FER1L5: variants seen among roughly 807,000 people sequenced by gnomAD.
FER1L5 encodes the protein fer-1-like protein 5.
In FER1L5, 187 loss-of-function variants were observed where a neutral mutation model predicts 279.9. The observed-to-expected ratio is 0.67, with a 90% CI of 0.59 to 0.75. The LOEUF (loss-of-function observed/expected upper bound fraction) is 0.75, where lower values mean the gene tolerates loss of function less well. Ranked by LOEUF, FER1L5 falls within the 30% of genes least tolerant of loss-of-function variation. The pLI, the probability that FER1L5 is intolerant of heterozygous loss-of-function variation, is 0.00. For synonymous variants in FER1L5, 921 were observed against 989.7 expected, an observed-to-expected ratio of 0.93 and a Z score of 1.30; for missense variants, 2,091 against 2,594.4, an observed-to-expected ratio of 0.81 and a Z score of 4.21.
intron 19 of FER1L5, among the ~76,000 whole-genome samples, chr2:96,679,702 A>C (rs184481932): frequency 6.6e-6 from 1 of 152,188 alleles, no homozygotes; most frequent in Non-Finnish European, 1.5e-5. Context: ...AATTTTCTAC[A>C]TCAGAGGCTC....
intron 1 of FER1L5, 133 bp from the exon 2 acceptor site, chr2:96,646,268 G>T: frequency 1.2e-6 from 1 of 849,538 alleles, no homozygotes; most frequent in South Asian, 1.6e-5. Context: ...AAAGTGCTGA[G>T]ATTACAGGCG....
chr2:96,659,466 TTTCTTTCTTTCTTTC>T (rs2075842552), intron 9 of FER1L5, among the ~76,000 whole-genome samples: 1 of 26,758 alleles, frequency 3.7e-5, no homozygotes, highest in Non-Finnish European at 5.7e-5. Context: ...TCTTTCTTTC[TTTCTTTCTTTCTTTC>T]TTTCTTTCTT....
chr2:96,702,147 C>T lies in FER1L5; in HGVS notation c.5159+104C>T. On this transcript the variant is annotated intron_variant, in intron 46 of 52. Coordinates refer to ENST00000624922, the MANE Select transcript of FER1L5 (RefSeq NM_001293083.2). This position sits in a 1 kb window ranked among gnomAD's most constrained non-coding sequence, Gnocchi z 4.0. ...TACTGAGCTGCAGTAATTCGTTTCT[C>T]TATTGGGAAGAGAGGAAGCTCTACT... 6.4e-7 allele frequency: 1 copy of T among 1,572,390 alleles called. No homozygotes were observed.
chr2:96,689,144 AGGG>A lies in FER1L5; in HGVS notation c.2362-67_2362-65del. On this transcript the variant is annotated intron_variant, in intron 24 of 52. Transcript: ENST00000624922. The surrounding 1 kb of genome is among the most constrained non-coding windows in gnomAD (Gnocchi z 4.6). The stretch of plus-strand genomic sequence containing the variant: ...CCTGCAGCCCAGAGTCAGGGGGCCC[AGGG>A]GAGGCCCATGTCCCCGCACTTTGTG... 6.7e-7 allele frequency: 1 copy of A among 1,486,514 alleles called. No homozygotes were observed. The highest frequency in any genetic ancestry group is 1.3e-5 in the South Asian group (1 of 74,666). The allele number at this position is 1,486,514 out of a possible 1,614,324, so 92.1% of individuals were successfully genotyped here.
chr2:96,670,228 A>G lies in FER1L5; in HGVS notation c.1472A>G (p.His491Arg), dbSNP rs1477294037. 11 of 1,551,478 alleles carry G rather than the reference A, an allele frequency of 7.1e-6. No individual in the cohort carries two copies. The highest frequency in any genetic ancestry group is 2.4e-5 in the East Asian group (1 of 40,914). Residue 491 changes from histidine (H) to arginine (R), a missense_variant, in exon 18 of 53, where the codon CAT (histidine) becomes CGT (arginine). Transcript: ENST00000624922. ...GACTCCACGATAAAGGATCTCTCCC[A>G]TGAAGTGACCAGGATAGAGGTAACT... ...YQDSTIKDLS[H>R]EVTRIEKHQN...
intron 6 of FER1L5, among the ~76,000 whole-genome samples, chr2:96,651,087 A>C (rs1318973278): frequency 6.6e-6 from 1 of 152,194 alleles, no homozygotes; most frequent in Non-Finnish European, 1.5e-5. Flanking sequence ...TGTCTTCCAC[A>C]CAAGATCACA....
rs1215030751 is a variant in FER1L5, at chr2:96,704,801, T to G, written c.*109T>G. 2.4e-6 allele frequency: 2 copies of G among 823,140 alleles called. No individual in the cohort carries two copies. Among genetic ancestry groups the G allele is most frequent in the Admixed American group, 2.6e-5 (1 of 39,090 alleles). The allele number at this position is 823,140 out of a possible 1,614,324, so 51.0% of individuals were successfully genotyped here. ...GAATATATGCAAGATGCTAGGAATA[T>G]TCTGGCTATTGTGTTCAGAAATCAC... On this transcript the variant is annotated 3_prime_UTR_variant, in exon 53 of 53. Transcript: ENST00000624922.
chr2:96,697,723 T>A lies in FER1L5; in HGVS notation c.4198T>A (p.Ser1400Thr), dbSNP rs1327229017. 1 of 1,613,946 alleles carries A rather than the reference T, an allele frequency of 6.2e-7. No homozygotes were observed. The highest frequency in any genetic ancestry group is 1.1e-5 in the South Asian group (1 of 91,082). Reference sequence around the variant, plus strand: ...GTTCTGGGCCACAGATGAGCACAAGTCCCTGAAGTACAAGTACAAAGACTA... The same window carrying A: ...GTTCTGGGCCACAGATGAGCACAAGACCCTGAAGTACAAGTACAAAGACTA... ...KLFWATDEHKSLKYKYKDYHT... is the reference protein window; with the variant it reads ...KLFWATDEHKTLKYKYKDYHT... Residue 1400 changes from serine (S) to threonine (T), a missense_variant, in exon 39 of 53, where the codon TCC becomes ACC. Physicochemically the swap from Ser to Thr is moderately conservative, Grantham distance 58 (BLOSUM62 1). Coordinates refer to ENST00000624922, the MANE Select transcript of FER1L5 (RefSeq NM_001293083.2).
rs981723059 is a variant in FER1L5 at position 96,694,968 on chromosome 2, G to T, written c.3741+504G>T. The stretch of plus-strand genomic sequence containing the variant: ...GACGGTCAGGCCTCTGGGACTGAAG[G>T]CTTCCCCAAGATCAGGCAACTTGGC... On this transcript the variant is annotated intron_variant, in intron 34 of 52. Transcript: ENST00000624922. This position sits in a 1 kb window ranked among gnomAD's most constrained non-coding sequence, Gnocchi z 4.6. 1.9e-5 allele frequency: 3 copies of T among 155,032 alleles called. No individual in the cohort carries two copies. Among genetic ancestry groups the T allele is most frequent in the African/African-American group, 7.2e-5 (3 of 41,564 alleles). The allele number at this position is 155,032 out of a possible 1,614,324, so 9.6% of individuals were successfully genotyped here. A position where few individuals can be genotyped will look rare whatever the true frequency, so the allele number is the denominator to read the frequency against.
Position 96,698,015 on chromosome 2 carries a change from A to G in FER1L5, c.4237-22A>G. On this transcript the variant is annotated intron_variant, in intron 39 of 52. Coordinates refer to ENST00000624922, the MANE Select transcript of FER1L5 (RefSeq NM_001293083.2). This position sits in a 1 kb window ranked among gnomAD's most constrained non-coding sequence, Gnocchi z 5.5. ...ATCACGGGAACAGTCTCCACCAGCCAGGGTTCCACACACCTCTGCAGGTGT... is the reference window on the plus strand; with the variant it reads ...ATCACGGGAACAGTCTCCACCAGCCGGGGTTCCACACACCTCTGCAGGTGT... The G allele has an allele frequency of 6.5e-7, 1 of 1,550,280 alleles. No homozygotes were observed. The highest frequency in any genetic ancestry group is 8.7e-7 in the Non-Finnish European group (1 of 1,146,394).
rs770708078 is a variant in FER1L5 at position 96,704,680 on chromosome 2, C to A, written c.6162C>A (p.Ala2054=). ...HLSDIFPELP[A]PGD ...GTGATATTTTCCCAGAACTTCCAGC[C>A]CCAGGAGACTAATTAGTCCATGCTG... Residue 2054 remains alanine, a synonymous_variant, in exon 53 of 53, where the codon GCC becomes GCA. Coordinates refer to ENST00000624922, the MANE Select transcript of FER1L5 (RefSeq NM_001293083.2). The A allele has an allele frequency of 6.2e-7, 1 of 1,613,838 alleles. No individual in the cohort carries two copies. Among genetic ancestry groups the A allele is most frequent in the Non-Finnish European group, 8.5e-7 (1 of 1,179,782 alleles).
chr2:96,693,688 G>T lies in FER1L5; in HGVS notation c.3474+1G>T. 6.4e-7 allele frequency: 1 copy of T among 1,550,932 alleles called. No individual in the cohort carries two copies. The highest frequency in any genetic ancestry group is 8.7e-7 in the Non-Finnish European group (1 of 1,146,534). ...GGAGCTGTGGCAGCGTGACTTCTGG[G>T]TAAGTTGGGCTGGGCAGAGCAAGGG... On this transcript the variant is annotated splice_donor_variant, in intron 32 of 52. Coordinates refer to ENST00000624922, the MANE Select transcript of FER1L5 (RefSeq NM_001293083.2). LOFTEE classifies it high-confidence loss of function.
At chr2:96,657,691 A>G (rs1283558423) in intron 9 of FER1L5, among the ~76,000 whole-genome samples, 1 of 152,220 alleles carries the variant, frequency 6.6e-6, no homozygotes, top group Non-Finnish European at 1.5e-5. Context: ...GTTCATATCA[A>G]TAGAATCATA....
intron 34 of FER1L5, chr2:96,695,297 C>T (rs912260908): frequency 6.6e-6 from 4 of 602,172 alleles, no homozygotes; most frequent in Non-Finnish European, 8.1e-6. Context: ...TGGGGGACAG[C>T]GTCCCAGCCC....
intron 9 of FER1L5, among the ~76,000 whole-genome samples, chr2:96,659,547 A>G (rs547222333): frequency 8.3e-5 from 12 of 144,418 alleles, no homozygotes; most frequent in South Asian, 2.3e-4. Flanking sequence ...GCTGGAGAGC[A>G]GTGGCGCAAT....
Position 96,698,697 on chromosome 2 carries a change from T to C in FER1L5, c.4383T>C (p.Pro1461=), listed in dbSNP as rs1186925237. ...FKGLFRIYPF[P]ENPEAPKPPL... ...GCCTTTTCCGCATCTACCCCTTTCC[T>C]GAGAATCCAGAAGCCCCAAAGCCCC... is the stretch of plus-strand genomic sequence containing the variant. The change falls in exon 41 of 53, where the codon CCT becomes CCC. Residue 1461 remains proline (P), a synonymous_variant. Coordinates refer to ENST00000624922, the MANE Select transcript of FER1L5 (RefSeq NM_001293083.2). The surrounding 1 kb of genome is among the most constrained non-coding windows in gnomAD (Gnocchi z 5.5). 18 of 1,588,630 alleles carry C rather than the reference T, an allele frequency of 1.1e-5. No individual in the cohort carries two copies. Among genetic ancestry groups the C allele is most frequent in the Admixed American group, 1.8e-5 (1 of 56,368 alleles).
intron 9 of FER1L5, among the ~76,000 whole-genome samples, chr2:96,655,539 A>G (rs755936206): frequency 7.9e-5 from 12 of 152,214 alleles, no homozygotes; most frequent in Admixed American, 2.0e-4. Context: ...CAATGTTAGG[A>G]AACGGGCACC....
intron 3 of FER1L5, among the ~76,000 whole-genome samples, chr2:96,647,449 C>T (rs138992404): frequency 2.0e-4 from 30 of 152,304 alleles, no homozygotes; most frequent in South Asian, 2.1e-4. Flanking sequence ...ATCTAGTGCC[C>T]AGCTGAGACT....
At chr2:96,663,362 C>G in intron 13 of FER1L5, 77 bp from the exon 14 acceptor site, 2 of 1,375,378 alleles carry the variant, frequency 1.5e-6, no homozygotes, top group Non-Finnish European at 2.0e-6. Context: ...GGAGGCTGGA[C>G]AGGAAGAGCT....
Sources: allele counts gnomAD v4.1 joint callset (sites outside exome capture counted in the v4.1 genomes callset), GRCh38; gene constraint gnomAD v4.1.1; non-coding constraint Gnocchi (gnomAD v3.1); transcripts MANE v1.5; gene names NCBI Gene and HGNC (gene_info 2026-07-23, HGNC 2026-07-21).